Variants in SLIT2 observed in about 807,000 individuals in gnomAD.
The protein encoded by SLIT2 is slit homolog 2 protein.
Under a neutral mutation model 185.7 loss-of-function variants are expected in SLIT2, and 41 were observed. The ratio of observed to expected loss-of-function variants is 0.22; its 90% CI spans 0.17 to 0.29. SLIT2 has a LOEUF of 0.29. Among genes scored for constraint, SLIT2 ranks in the 10% least tolerant of loss-of-function variants. The pLI, the probability that SLIT2 is intolerant of heterozygous loss-of-function variation, is 1.00. For missense variants in SLIT2, 1,571 were observed against 1,909.0 expected (o/e 0.82, Z 3.30); for synonymous variants, 693 against 680.2 (o/e 1.02, Z -0.29).
chr4:20,419,402 ATTTC>A (rs1727976899), intron 4 of SLIT2, among the ~76,000 whole-genome samples: 1 of 152,130 alleles, frequency 6.6e-6, no homozygotes, highest in Admixed American at 6.6e-5. Context: ...TACTCTTACT[ATTTC>A]TTTCTACCTG....
intron 4 of SLIT2, among the ~76,000 whole-genome samples, chr4:20,408,432 T>A (rs2109420140): frequency 6.6e-6 from 1 of 152,260 alleles, no homozygotes; most frequent in East Asian, 1.9e-4. Flanking sequence ...TTTGATTTTT[T>A]GTTCTAGGTG....
At chr4:20,501,626 G>A (rs1718747252) in intron 9 of SLIT2, among the ~76,000 whole-genome samples, 1 of 152,148 alleles carries the variant, frequency 6.6e-6, no homozygotes, top group African/African-American at 2.4e-5. Context: ...CACACTCAGT[G>A]TACTCCTTAT....
intron 14 of SLIT2, 142 bp downstream of exon 14, chr4:20,524,319 G>A (rs2148849934): frequency 1.4e-6 from 1 of 707,906 alleles, no homozygotes; most frequent in East Asian, 2.7e-5. Flanking sequence ...ATAAAATAAA[G>A]AGGACTGTAG....
intron 17 of SLIT2, 52 bp from the exon 18 acceptor site, chr4:20,533,520 C>A (rs1721986870): frequency 1.4e-5 from 20 of 1,390,974 alleles, no homozygotes; most frequent in Non-Finnish European, 2.0e-5. Flanking sequence ...TGTTTCAATT[C>A]CCACCTTGTT....
intron 5 of SLIT2, among the ~76,000 whole-genome samples, chr4:20,471,809 C>A (rs754722566): frequency 6.6e-6 from 1 of 152,150 alleles, no homozygotes; most frequent in Non-Finnish European, 1.5e-5. Context: ...TCCAGGCAAG[C>A]CACACTAAAA....
At chr4:20,577,530 C>T (rs372085665) in intron 29 of SLIT2, among the ~76,000 whole-genome samples, 1 of 152,214 alleles carries the variant, frequency 6.6e-6, no homozygotes, top group Non-Finnish European at 1.5e-5. Context: ...TACTGGGCAT[C>T]TGCCTGTGTT....
At chr4:20,279,662 T>A (rs1240887539) in intron 4 of SLIT2, among the ~76,000 whole-genome samples, 1 of 152,196 alleles carries the variant, frequency 6.6e-6, no homozygotes, top group Non-Finnish European at 1.5e-5. Context: ...ACTAGGAGTA[T>A]GTTTCTTATG....
intron 4 of SLIT2, among the ~76,000 whole-genome samples, chr4:20,321,856 T>G (rs1719118593): frequency 6.6e-6 from 1 of 152,006 alleles, no homozygotes; most frequent in Non-Finnish European, 1.5e-5. Context: ...ATCAGTGGCT[T>G]GATCCATCTG....
chr4:20,535,861 T>TATACTC (rs77416502), intron 18 of SLIT2, among the ~76,000 whole-genome samples: 43,634 of 151,768 alleles, frequency 0.29, 6,547 homozygotes, highest in Middle Eastern at 0.42. Context: ...TCTTTCCAAA[T>TATACTC]ATACGTATGT....
rs1473657090 is a variant in SLIT2 at position 20,252,901 on chromosome 4, C to T, written c.-915C>T. Among the ~76,000 whole-genome samples, 1 of 152,198 alleles carries T rather than the reference C, an allele frequency of 6.6e-6. No individual in the cohort carries two copies. The highest frequency in any genetic ancestry group is 1.5e-5 in the Non-Finnish European group (1 of 68,032). On this transcript the variant is annotated 5_prime_UTR_variant, in exon 1 of 37. Transcript: ENST00000504154. ...GTCAGTCCCCACTCAGTCTTCGCAG[C>T]AGCTCTCATCCTCCACTTGGCCTCT...
chr4:20,459,123 C>G (rs1255502747), intron 4 of SLIT2, among the ~76,000 whole-genome samples: 1 of 151,622 alleles, frequency 6.6e-6, no homozygotes, highest in Non-Finnish European at 1.5e-5. Flanking sequence ...CTGAGGGTTT[C>G]CAGTGGGAGA....
chr4:20,482,800 A>T (rs572858274), intron 6 of SLIT2, among the ~76,000 whole-genome samples: 6 of 152,058 alleles, frequency 3.9e-5, no homozygotes, highest in Admixed American at 2.0e-4. Context: ...TTATATTAAA[A>T]TTTTATAAAG....
At chr4:20,388,032 A>G (rs1011759627) in intron 4 of SLIT2, among the ~76,000 whole-genome samples, 6 of 152,200 alleles carry the variant, frequency 3.9e-5, no homozygotes, top group Non-Finnish European at 7.3e-5. Flanking sequence ...CAAAACACCA[A>G]ATCCTTCCTT....
intron 20 of SLIT2, 88 bp from the exon 21 acceptor site, chr4:20,542,406 T>C (rs930828961): frequency 2.4e-6 from 3 of 1,233,180 alleles, no homozygotes; most frequent in Non-Finnish European, 3.5e-6. Context: ...ACTCTTGTGT[T>C]TGTTAAGTTA....
chr4:20,506,245 C>CT (rs1284007457), intron 9 of SLIT2, among the ~76,000 whole-genome samples: 7 of 152,106 alleles, frequency 4.6e-5, no homozygotes, highest in Admixed American at 4.6e-4. Flanking sequence ...CTTTCTAAAT[C>CT]TATTTTTACT....
rs570206984 is a variant in SLIT2, at chr4:20,578,566, C to G, written c.3088+9562C>G. ...ATAAAAATGGGCTGCAGTATCAGCT[C>G]CAGTACCCTCGCCACCTCTTTCGTA... On this transcript the variant is annotated intron_variant, in intron 29 of 36. Coordinates refer to ENST00000504154, the MANE Select transcript of SLIT2 (RefSeq NM_004787.4). 5.9e-5 allele frequency among the ~76,000 whole-genome samples: 9 copies of G among 152,264 alleles called. No individual in the cohort carries two copies. In the East Asian group the frequency reaches 1.7e-3, roughly 29 times the overall value.
intron 4 of SLIT2, among the ~76,000 whole-genome samples, chr4:20,334,360 G>A (rs1720318355): frequency 6.6e-6 from 1 of 152,080 alleles, no homozygotes; most frequent in South Asian, 2.1e-4. Flanking sequence ...AAATGGGATT[G>A]CATCAAACTA....
rs560249368 is a variant in SLIT2 at position 20,428,170 on chromosome 4, GT to G, written c.396-39577del. On this transcript the variant is annotated intron_variant, in intron 4 of 36. Transcript: ENST00000504154. ...CTCTTGGATTCAAATTTTAGTATGTGTTTTTAAAGTCCATATTGTAAATGTA... is the reference window on the plus strand; with the variant it reads ...CTCTTGGATTCAAATTTTAGTATGTGTTTTAAAGTCCATATTGTAAATGTA... Among the ~76,000 whole-genome samples, 158 of 152,300 alleles carry G rather than the reference GT, an allele frequency of 1.0e-3. 1 individual carries two copies. Among genetic ancestry groups the G allele is most frequent in the African/African-American group, 3.5e-3 (147 of 41,568 alleles).
In SLIT2 at chr4:20,456,838, A is replaced by G. The variant is rs190714077; in HGVS notation, c.396-10914A>G. Among the ~76,000 whole-genome samples the G allele has an allele frequency of 2.3e-3, 348 of 152,234 alleles. 1 individual carries two copies. The highest frequency in any genetic ancestry group is 3.8e-3 in the Non-Finnish European group (255 of 67,982). ...ACTGAGACTATAGTTTAGGCTGAATAAAGGCTTTCAAAGACTGTTTACCAC... is the reference window on the plus strand; with the variant it reads ...ACTGAGACTATAGTTTAGGCTGAATGAAGGCTTTCAAAGACTGTTTACCAC... On this transcript the variant is annotated intron_variant, in intron 4 of 36. Coordinates refer to ENST00000504154, the MANE Select transcript of SLIT2 (RefSeq NM_004787.4).
Sources: gnomAD v4.1 joint callset for allele counts (sites outside exome capture counted in the v4.1 genomes callset) on GRCh38, gnomAD v4.1.1 for gene constraint, MANE v1.5 for transcripts, NCBI Gene and HGNC (gene_info 2026-07-23, HGNC 2026-07-21) for gene names.